Variants in NFE2L1 observed in about 807,000 individuals in gnomAD.
NFE2L1 encodes the protein endoplasmic reticulum membrane sensor NFE2L1.
In NFE2L1, 18 loss-of-function variants were observed where a neutral mutation model predicts 61.6. The ratio of observed to expected loss-of-function variants is 0.29; its 90% CI spans 0.20 to 0.43. The LOEUF (loss-of-function observed/expected upper bound fraction) is 0.43. NFE2L1 is among the 20% of genes least tolerant of loss of function. NFE2L1 has a pLI of 1.00. For synonymous variants in NFE2L1, 419 were observed against 402.7 expected, an observed-to-expected ratio of 1.04 and a Z score of -0.48; for missense variants, 827 against 973.5, an observed-to-expected ratio of 0.85 and a Z score of 2.00.
chr17:48,056,658 G>A, intron 3 of NFE2L1, 60 bp downstream of exon 3: 2 of 1,575,882 alleles, frequency 1.3e-6, no homozygotes, highest in Non-Finnish European at 1.7e-6. Context: ...ACACAAACCA[G>A]GCTGGAGTTC....
Position 48,057,385 on chromosome 17 carries a change from T to A in NFE2L1, c.855T>A (p.Ser285Arg). Residue 285 changes from serine to arginine, a missense_variant, in exon 5 of 6, where the codon AGT becomes AGA. Around this residue, in one of 3 missense-constraint regions of NFE2L1, gnomAD observed 667 missense variants for 748.4 expected, o/e 0.89. Transcript: ENST00000362042. ...DISSITEAVP[S>R]ESEPPALQNN... Reference sequence around the variant, plus strand: ...CCAGCATAACAGAAGCAGTGCCTAGTGAGAGTGAGCCCCCTGCTCTTCAAA... The same window carrying A: ...CCAGCATAACAGAAGCAGTGCCTAGAGAGAGTGAGCCCCCTGCTCTTCAAA... The A allele has an allele frequency of 6.2e-7, 1 of 1,614,172 alleles. No individual in the cohort carries two copies. The highest frequency in any genetic ancestry group is 8.5e-7 in the Non-Finnish European group (1 of 1,180,014).
At chr17:48,057,271 A>G in intron 4 of NFE2L1, 73 bp from the exon 5 acceptor site, 2 of 1,597,180 alleles carry the variant, frequency 1.3e-6, no homozygotes, top group South Asian at 1.1e-5. Context: ...AAACAGGTCC[A>G]GGTGGTAATC....
At chr17:48,056,982 C>A in intron 3 of NFE2L1, 50 bp from the exon 4 acceptor site, 1 of 1,588,780 alleles carries the variant, frequency 6.3e-7, no homozygotes, top group Non-Finnish European at 8.6e-7. Context: ...GCTTCAGCCC[C>A]AGGCAGCCAA....
chr17:48,056,099 CTGGGTGTGTCT>C, intron 2 of NFE2L1: 1 of 376,760 alleles, frequency 2.7e-6, no homozygotes, highest in Non-Finnish European at 4.8e-6. Context: ...TGCCTTTTGT[CTGGGTGTGTCT>C]TGGTCCAGAT....
intron 2 of NFE2L1, chr17:48,056,176 C>G: frequency 1.6e-6 from 1 of 620,412 alleles, no homozygotes; most frequent in Non-Finnish European, 2.9e-6. Context: ...GCTAGTGGCT[C>G]TTTTTTTTTG....
intron 1 of NFE2L1, 87 bp from the exon 2 acceptor site, chr17:48,050,520 A>G (rs951481822): frequency 2.2e-5 from 9 of 400,486 alleles, no homozygotes; most frequent in East Asian, 3.6e-5. Context: ...TGTGTTTTCT[A>G]CCTTCTACTG....
At chr17:48,054,724 G>A in intron 2 of NFE2L1, 1 of 1,296,394 alleles carries the variant, frequency 7.7e-7, no homozygotes, top group Non-Finnish European at 9.8e-7. Flanking sequence ...TGAGCACGGA[G>A]CATGGGGTGG....
intron 1 of NFE2L1, chr17:48,049,193 C>T (rs1713177017): frequency 6.6e-6 from 1 of 152,110 alleles, no homozygotes; most frequent in Non-Finnish European, 1.5e-5. Flanking sequence ...AATGGAAGCT[C>T]AAAAGTGGAG....
chr17:48,054,797 G>A, intron 2 of NFE2L1: 1 of 1,319,746 alleles, frequency 7.6e-7, no homozygotes. Context: ...GCGCCTGAGT[G>A]GAACTGGGGT....
intron 4 of NFE2L1, 55 bp from the exon 5 acceptor site, chr17:48,057,288 AG>A (rs1174408999): frequency 6.2e-7 from 1 of 1,600,234 alleles, no homozygotes; most frequent in Non-Finnish European, 8.5e-7. Context: ...AATCTCTGGG[AG>A]GAAAGCACAA....
rs771882763 is a variant in NFE2L1, at chr17:48,059,394, G to A, written c.2072G>A (p.Arg691His). The change falls in exon 6 of 6, where the codon CGT becomes CAT. Residue 691 changes from arginine to histidine, a missense_variant. Around this residue, in one of 3 missense-constraint regions of NFE2L1, gnomAD observed 74 missense variants for 127.8 expected, o/e 0.58. Coordinates refer to ENST00000362042, the MANE Select transcript of NFE2L1 (RefSeq NM_003204.3). This position sits in a 1 kb window ranked among gnomAD's most constrained non-coding sequence, Gnocchi z 6.1. ...GAGCGTGATGTGGAGGACCTGCAGC[G>A]TGACAAAGCCCGGCTGCTGCGGGAG... ...NLERDVEDLQ[R>H]DKARLLREKV... 23 of 1,614,092 alleles carry A rather than the reference G, an allele frequency of 1.4e-5. No homozygotes were observed. The highest frequency in any genetic ancestry group is 8.8e-5 in the South Asian group (8 of 91,092).
At chr17:48,053,036 C>G (rs1477232332) in intron 2 of NFE2L1, among the ~76,000 whole-genome samples, 1 of 152,164 alleles carries the variant, frequency 6.6e-6, no homozygotes, top group Non-Finnish European at 1.5e-5. Flanking sequence ...TTCTGCTTCC[C>G]CTTTCCTTCA....
At chr17:48,055,098 G>C in intron 2 of NFE2L1, 1 of 1,451,114 alleles carries the variant, frequency 6.9e-7, no homozygotes, top group Non-Finnish European at 9.1e-7. Flanking sequence ...TTGCTGGCTG[G>C]TCACCGGGTG....
chr17:48,049,143 C>T (rs1386902729), intron 1 of NFE2L1: 3 of 152,198 alleles, frequency 2.0e-5, no homozygotes, highest in African/African-American at 7.2e-5. Context: ...TGGGTCACAA[C>T]GCAGGAGAGG....
At position 48,058,637 on chromosome 17, in the gene NFE2L1, G is replaced by A. The variant is rs754558195; in HGVS notation, c.1315G>A (p.Gly439Arg). 3 of 1,614,070 alleles carry A rather than the reference G, an allele frequency of 1.9e-6. No homozygotes were observed. Among genetic ancestry groups the A allele is most frequent in the African/African-American group, 1.3e-5 (1 of 74,932 alleles). The change falls in exon 6 of 6, where the codon GGG (glycine) becomes AGG (arginine). Residue 439 changes from glycine to arginine, a missense_variant. By Grantham distance (125) the Gly-to-Arg change is moderately radical. This residue lies in a region of NFE2L1 where 667 missense variants were observed against 748.4 expected (regional missense o/e 0.89). Transcript: ENST00000362042. Reference protein sequence around the residue: ...TAGPELPDPLGGLLDEAMLDE... With the variant: ...TAGPELPDPLRGLLDEAMLDE... ...AGGCCCAGAGCTGCCTGACCCTTTGGGGGGTCTGTTAGATGAAGCTATGTT... is the reference window on the plus strand; with the variant it reads ...AGGCCCAGAGCTGCCTGACCCTTTGAGGGGTCTGTTAGATGAAGCTATGTT...
chr17:48,059,364 A>G lies in NFE2L1; in HGVS notation c.2042A>G (p.Asn681Ser). The change falls in exon 6 of 6, where the codon AAT becomes AGT. Residue 681 changes from asparagine to serine, a missense_variant. Around this residue, in one of 3 missense-constraint regions of NFE2L1, gnomAD observed 74 missense variants for 127.8 expected, o/e 0.58. Coordinates refer to ENST00000362042, the MANE Select transcript of NFE2L1 (RefSeq NM_003204.3). The surrounding 1 kb of genome is among the most constrained non-coding windows in gnomAD (Gnocchi z 6.1). ...CRKRKLDTIL[N>S]LERDVEDLQR... ...AAGCGCAAGCTGGACACCATCCTGA[A>G]TCTGGAGCGTGATGTGGAGGACCTG... The G allele has an allele frequency of 6.2e-7, 1 of 1,614,210 alleles. No homozygotes were observed. The highest frequency in any genetic ancestry group is 8.5e-7 in the Non-Finnish European group (1 of 1,180,042).
rs972158663 is a variant in NFE2L1, at chr17:48,057,182, C to T, written c.813+61C>T. 22 of 1,596,040 alleles carry T rather than the reference C, an allele frequency of 1.4e-5. No individual in the cohort carries two copies. In the African/African-American group the frequency reaches 2.8e-4, roughly 21 times the overall value. ...CAGGGCAGCCTGTACCTGGTGTGTC[C>T]CTCCATGGCTGAGGGGCCAGCTGTT... On this transcript the variant is annotated intron_variant, in intron 4 of 5. Transcript: ENST00000362042.
chr17:48,056,907 C>T (rs903700818), intron 3 of NFE2L1, 125 bp from the exon 4 acceptor site: 29 of 956,638 alleles, frequency 3.0e-5, no homozygotes, highest in African/African-American at 1.6e-4. Flanking sequence ...GTTTGGGACT[C>T]GGGGCCAGCC....
intron 5 of NFE2L1, among the ~76,000 whole-genome samples, chr17:48,058,090 A>G (rs901749027): frequency 6.6e-6 from 1 of 152,160 alleles, no homozygotes; most frequent in Non-Finnish European, 1.5e-5. Flanking sequence ...TCAGTCCTAT[A>G]TTAGGGTGGA....
Sources: gnomAD v4.1 joint callset for allele counts (sites outside exome capture counted in the v4.1 genomes callset) on GRCh38, gnomAD v4.1.1 for gene constraint, gnomAD v4.1.1 regional missense constraint, Gnocchi (gnomAD v3.1) non-coding constraint, MANE v1.5 for transcripts, NCBI Gene and HGNC (gene_info 2026-07-23, HGNC 2026-07-21) for gene names.